Variants in TSGA13 observed in about 807,000 individuals in gnomAD.
TSGA13 encodes testis-specific gene 13 protein.
TSGA13 carries 37 observed loss-of-function variants against 35.1 expected under a neutral mutation model. That is an observed-to-expected ratio of 1.05 (90% confidence interval 0.81 to 1.39). TSGA13 has a LOEUF of 1.39. TSGA13 is among the 40% of genes most tolerant of loss of function. The pLI is 0.00. For missense variants in TSGA13, 338 were observed against 328.5 expected (o/e 1.03, Z -0.22); for synonymous variants, 124 against 121.2 (o/e 1.02, Z -0.15).
chr7:130,678,977 T>C (rs1174177561), intron 5 of TSGA13, among the ~76,000 whole-genome samples, 178 bp downstream of exon 5: 1 of 152,178 alleles, frequency 6.6e-6, no homozygotes, highest in Non-Finnish European at 1.5e-5. Flanking sequence ...CAGTGAGCCA[T>C]GATTGTGCCA....
Position 130,679,384 on chromosome 7 carries a change from G to T in TSGA13, c.175-17C>A. 1 of 1,589,332 alleles carries T rather than the reference G, an allele frequency of 6.3e-7. No homozygotes were observed. The highest frequency in any genetic ancestry group is 8.6e-7 in the Non-Finnish European group (1 of 1,166,882). On this transcript the variant is annotated splice_polypyrimidine_tract_variant and intron_variant, in intron 4 of 7. Coordinates refer to ENST00000356588, the MANE Select transcript of TSGA13 (RefSeq NM_052933.4). ...GTACTGGGCCTGAACAGACAGAAAG[G>T]TTTCCAGAGAGAAAAAGAGATTAGG...
Position 130,682,111 on chromosome 7 carries a change from A to T in TSGA13, c.103-1094T>A, listed in dbSNP as rs908862092. 2.0e-5 allele frequency among the ~76,000 whole-genome samples: 3 copies of T among 150,084 alleles called. No homozygotes were observed. The Admixed American group carries it at 2.0e-4, about 10-fold the overall frequency. On this transcript the variant is annotated intron_variant, in intron 3 of 7. Coordinates refer to ENST00000356588, the MANE Select transcript of TSGA13 (RefSeq NM_052933.4). ...CGTGCCACCATGCCCAGCTATTATT[A>T]TTATTTATTAATTTTTCTTTTTTTT...
At position 130,672,854 on chromosome 7, in the gene TSGA13, G is replaced by A. The variant is rs782393242; in HGVS notation, c.410C>T (p.Pro137Leu). 3 of 1,613,990 alleles carry A rather than the reference G, an allele frequency of 1.9e-6. No homozygotes were observed. The highest frequency in any genetic ancestry group is 8.5e-7 in the Non-Finnish European group (1 of 1,179,948). Reference sequence around the variant, plus strand: ...GCGGGGCAGCCAGAGGTTCTCAGTGGGTTTGTGCTGATGATGACTTTCCTG... The same window carrying A: ...GCGGGGCAGCCAGAGGTTCTCAGTGAGTTTGTGCTGATGATGACTTTCCTG... ...KVMESHHQHK[P>L]TENLWLPRMP... Residue 137 changes from proline to leucine, a missense_variant, in exon 6 of 8, where the codon CCC becomes CTC. Physicochemically the swap from Pro to Leu is moderately conservative, Grantham distance 98. Coordinates refer to ENST00000356588, the MANE Select transcript of TSGA13 (RefSeq NM_052933.4).
chr7:130,672,782 G>A lies in TSGA13; in HGVS notation c.482C>T (p.Pro161Leu). The A allele has an allele frequency of 6.2e-7, 1 of 1,614,138 alleles. No individual in the cohort carries two copies. The highest frequency in any genetic ancestry group is 8.5e-7 in the Non-Finnish European group (1 of 1,179,988). Residue 161 changes from proline to leucine, a missense_variant, in exon 6 of 8, where the codon CCT becomes CTT. Physicochemically the swap from Pro to Leu is moderately conservative, Grantham distance 98. Transcript: ENST00000356588. Reference protein sequence around the residue: ...KLRSKLKPIFPLILSDDPTSK... With the variant: ...KLRSKLKPIFLLILSDDPTSK... ...TGTGGGATCATCCGACAGTATCAAA[G>A]GGAAGATTGGTTTCAGCTTAGATCT...
chr7:130,679,144 C>T lies in TSGA13; in HGVS notation c.387+11G>A. On this transcript the variant is annotated intron_variant, in intron 5 of 7. Transcript: ENST00000356588. ...GGTTCACATTTTGGGTGCCAGGAGA[C>T]TTCTGCTTACCATGACCTTGAGCAG... The T allele has an allele frequency of 6.2e-7, 1 of 1,610,782 alleles. No homozygotes were observed. The highest frequency in any genetic ancestry group is 8.5e-7 in the Non-Finnish European group (1 of 1,177,288).
At position 130,668,675 on chromosome 7, in the gene TSGA13, C is replaced by T. The variant is rs1554462072; in HGVS notation, c.*339G>A. ...TGTCGAATTTTTTAATCATCTTGGA[C>T]GACTTCCCAGCGCCCAGACCCACCG... On this transcript the variant is annotated 3_prime_UTR_variant, in exon 8 of 8. Transcript: ENST00000356588. The T allele has an allele frequency of 1.3e-6, 2 of 1,538,834 alleles. No homozygotes were observed. The highest frequency in any genetic ancestry group is 1.7e-6 in the Non-Finnish European group (2 of 1,144,406).
At chr7:130,681,142 G>C (rs1796536428) in intron 3 of TSGA13, 125 bp from the exon 4 acceptor site, 2 of 775,068 alleles carry the variant, frequency 2.6e-6, no homozygotes, top group East Asian at 5.4e-5. Context: ...AGTTAGAGAA[G>C]TACAGTTAGA....
chr7:130,669,636 G>A (rs1194733344), intron 7 of TSGA13, among the ~76,000 whole-genome samples: 1 of 152,156 alleles, frequency 6.6e-6, no homozygotes, highest in African/African-American at 2.4e-5. Context: ...CAACAGGATC[G>A]TGCCCCTGCA....
chr7:130,673,707 G>A (rs556348223), intron 5 of TSGA13, among the ~76,000 whole-genome samples: 5 of 152,040 alleles, frequency 3.3e-5, no homozygotes, highest in Non-Finnish European at 7.4e-5. Context: ...GAAAGCTACA[G>A]TTCATATTCT....
chr7:130,686,736 A>C (rs1192034545), upstream of TSGA13: 3 of 137,020 alleles, frequency 2.2e-5, no homozygotes, highest in Admixed American at 2.3e-4. Flanking sequence ...ACACACACAC[A>C]CACATCTTCA....
Position 130,685,128 on chromosome 7 carries a change from A to C in TSGA13, c.23+60T>G, listed in dbSNP as rs369401109. On this transcript the variant is annotated intron_variant, in intron 2 of 7. Coordinates refer to ENST00000356588, the MANE Select transcript of TSGA13 (RefSeq NM_052933.4). ...AGCACCATTCAACGTGCTGTGGGCTATGCAATAAGTTAATATAAAGTGGTG... is the reference window on the plus strand; with the variant it reads ...AGCACCATTCAACGTGCTGTGGGCTCTGCAATAAGTTAATATAAAGTGGTG... 93 of 1,524,666 alleles carry C rather than the reference A, an allele frequency of 6.1e-5. No individual in the cohort carries two copies. In the African/African-American group the frequency reaches 1.1e-3, roughly 19 times the overall value. 94.4% of individuals were successfully genotyped at this position (1,524,666 alleles called of 1,614,324 possible).
At chr7:130,683,005 G>C (rs1489154701) in intron 3 of TSGA13, among the ~76,000 whole-genome samples, 1 of 152,136 alleles carries the variant, frequency 6.6e-6, no homozygotes, top group Non-Finnish European at 1.5e-5. Context: ...ACTTATTTGG[G>C]AGAAAGGTAT....
intron 3 of TSGA13, among the ~76,000 whole-genome samples, 188 bp from the exon 4 acceptor site, chr7:130,681,205 G>A (rs576950236): frequency 2.0e-5 from 3 of 152,262 alleles, no homozygotes; most frequent in African/African-American, 7.2e-5. Context: ...CCAGCAAGGA[G>A]ACCTGGATTC....
chr7:130,677,253 G>A (rs1796434744), intron 5 of TSGA13, among the ~76,000 whole-genome samples: 1 of 152,018 alleles, frequency 6.6e-6, no homozygotes, highest in Non-Finnish European at 1.5e-5. Context: ...TAATGATTTA[G>A]TTCAGGTCTT....
chr7:130,684,107 A>G (rs1300132814), intron 2 of TSGA13, among the ~76,000 whole-genome samples: 2 of 152,238 alleles, frequency 1.3e-5, no homozygotes, highest in African/African-American at 4.8e-5. Context: ...GTGATTGGCC[A>G]ATGATTAGCC....
In TSGA13 at chr7:130,668,866, G is replaced by T; in HGVS notation, c.*148C>A. ...AGCCACGCCCCCTTCTCCTCTTGCGGCCCGCCGGAGACTTCGGCTCGACCC... is the reference window on the plus strand; with the variant it reads ...AGCCACGCCCCCTTCTCCTCTTGCGTCCCGCCGGAGACTTCGGCTCGACCC... On this transcript the variant is annotated 3_prime_UTR_variant, in exon 8 of 8. Coordinates refer to ENST00000356588, the MANE Select transcript of TSGA13 (RefSeq NM_052933.4). 3 of 1,367,672 alleles carry T rather than the reference G, an allele frequency of 2.2e-6. No homozygotes were observed. The highest frequency in any genetic ancestry group is 9.9e-7 in the Non-Finnish European group (1 of 1,013,636). The allele number at this position is 1,367,672 out of a possible 1,614,324, so 84.7% of individuals were successfully genotyped here. A position where few individuals can be genotyped will look rare whatever the true frequency, so the allele number is the denominator to read the frequency against.
intron 6 of TSGA13, 63 bp from the exon 7 acceptor site, chr7:130,671,851 C>CTTTATTTTATTTTATTTTATTTTAT (rs10628843): frequency 1.6e-6 from 1 of 627,770 alleles, no homozygotes; most frequent in Non-Finnish European, 2.2e-6. Context: ...GAACTATTCA[C>CTTTATTTTATTTTATTTTATTTTAT]TTTATTTTAT....
chr7:130,668,824 C>G lies in TSGA13; in HGVS notation c.*190G>C, dbSNP rs192171230. On this transcript the variant is annotated 3_prime_UTR_variant, in exon 8 of 8. Transcript: ENST00000356588. ...CCAAGGCCCGCCCTCCCCGGCCGCC[C>G]TCGGCCCCCGGGACGCAGCCACGCC... 1 of 1,284,790 alleles carries G rather than the reference C, an allele frequency of 7.8e-7. No homozygotes were observed. Among genetic ancestry groups the G allele is most frequent in the Non-Finnish European group, 1.0e-6 (1 of 957,752 alleles). The allele number at this position is 1,284,790 out of a possible 1,614,324, so 79.6% of individuals were successfully genotyped here. A position where few individuals can be genotyped will look rare whatever the true frequency, so the allele number is the denominator to read the frequency against.
At chr7:130,676,682 A>C (rs1238946797) in intron 5 of TSGA13, among the ~76,000 whole-genome samples, 1 of 152,178 alleles carries the variant, frequency 6.6e-6, no homozygotes, top group Non-Finnish European at 1.5e-5. Context: ...TTGAAGGAGA[A>C]TCTCTCACTG....
Sources: gnomAD v4.1 joint callset for allele counts (sites outside exome capture counted in the v4.1 genomes callset) on GRCh38, gnomAD v4.1.1 for gene constraint, MANE v1.5 for transcripts, NCBI Gene and HGNC (gene_info 2026-07-23, HGNC 2026-07-21) for gene names.